The following DHX57 variants were observed in gnomAD, a reference collection of about 807,000 sequenced individuals.
DHX57 encodes DExH-box helicase 57, also known as putative ATP-dependent RNA helicase DHX57.
A neutral mutation model predicts 156.2 loss-of-function variants in DHX57; 105 were observed. The ratio of observed to expected loss-of-function variants is 0.67; its 90% CI spans 0.57 to 0.79. The LOEUF (loss-of-function observed/expected upper bound fraction) is 0.79. Among genes scored for constraint, DHX57 ranks in the 30% least tolerant of loss-of-function variants. DHX57 has a pLI of 0.00. For missense variants in DHX57, 1,847 were observed against 1,661.9 expected, an observed-to-expected ratio of 1.11 and a Z score of -1.94; for synonymous variants, 704 against 595.6, an observed-to-expected ratio of 1.18 and a Z score of -2.65.
chr2:38,834,440 C>A (rs1010486397), intron 13 of DHX57, among the ~76,000 whole-genome samples: 3 of 151,890 alleles, frequency 2.0e-5, no homozygotes, highest in African/African-American at 4.8e-5. Context: ...TTTGTAGCCA[C>A]CTCCTGTTGC....
At chr2:38,839,581 C>T (rs1024901636) in intron 12 of DHX57, among the ~76,000 whole-genome samples, 2 of 150,834 alleles carry the variant, frequency 1.3e-5, no homozygotes, top group Non-Finnish European at 2.9e-5. Flanking sequence ...ATTAGCCAGG[C>T]ATGGTGGTGG....
At chr2:38,822,880 A>G in intron 17 of DHX57, 113 bp downstream of exon 17, 1 of 1,223,398 alleles carries the variant, frequency 8.2e-7, no homozygotes, top group Non-Finnish European at 1.1e-6. Context: ...ATTCACAGCT[A>G]ACATACAAGC....
At chr2:38,868,730 AT>A (rs1308353140) in intron 1 of DHX57, among the ~76,000 whole-genome samples, 2 of 152,232 alleles carry the variant, frequency 1.3e-5, no homozygotes, top group African/African-American at 2.4e-5. Context: ...TCATAAACAC[AT>A]GGAGAAGTGT....
intron 1 of DHX57, among the ~76,000 whole-genome samples, chr2:38,873,360 A>G (rs1003307128): frequency 1.3e-5 from 2 of 152,246 alleles, no homozygotes; most frequent in African/African-American, 4.8e-5. Context: ...TGGAATTAGA[A>G]ATCAAAAGCT....
chr2:38,832,087 C>T (rs541044907), intron 13 of DHX57, among the ~76,000 whole-genome samples: 8 of 152,246 alleles, frequency 5.3e-5, no homozygotes, highest in African/African-American at 1.7e-4. Flanking sequence ...ACACTCACTA[C>T]TTGCCAAGTA....
chr2:38,839,042 C>T (rs1352235283), intron 12 of DHX57, among the ~76,000 whole-genome samples: 1 of 151,988 alleles, frequency 6.6e-6, no homozygotes, highest in African/African-American at 2.4e-5. Flanking sequence ...AGCGATTCTC[C>T]TGCCTCAGCC....
intron 6 of DHX57, 70 bp from the exon 7 acceptor site, chr2:38,856,531 G>T (rs1250145454): frequency 5.4e-6 from 8 of 1,493,604 alleles, no homozygotes; most frequent in Non-Finnish European, 6.2e-6. Flanking sequence ...TTGAGACAGG[G>T]TCTCACTCTG....
chr2:38,842,185 C>T (rs1182889064), intron 12 of DHX57, among the ~76,000 whole-genome samples: 1 of 152,076 alleles, frequency 6.6e-6, no homozygotes, highest in East Asian at 1.9e-4. Context: ...AATGTATAAC[C>T]TAAATTTAAT....
intron 19 of DHX57, among the ~76,000 whole-genome samples, chr2:38,817,309 T>G (rs571542787): frequency 5.3e-4 from 80 of 152,046 alleles, no homozygotes; most frequent in Non-Finnish European, 1.0e-3. Context: ...CTTTGGAATT[T>G]ATTTATTTAT....
At chr2:38,853,331 C>G (rs144749407) in intron 9 of DHX57, 1 of 151,918 alleles carries the variant, frequency 6.6e-6, no homozygotes, top group East Asian at 1.9e-4. Flanking sequence ...CTATGTTGCC[C>G]AGGTGGGGCT....
intron 2 of DHX57, among the ~76,000 whole-genome samples, chr2:38,863,883 C>T (rs947502721): frequency 5.3e-5 from 8 of 152,018 alleles, no homozygotes; most frequent in African/African-American, 1.2e-4. Flanking sequence ...CGTGGCAGTG[C>T]GCTCCTGTAA....
chr2:38,850,625 C>A (rs1294891764), intron 9 of DHX57, among the ~76,000 whole-genome samples: 1 of 137,686 alleles, frequency 7.3e-6, no homozygotes, highest in African/African-American at 2.6e-5. Flanking sequence ...TGAAAACATT[C>A]TTATACTACT....
At chr2:38,840,708 G>T (rs1338344773) in intron 12 of DHX57, among the ~76,000 whole-genome samples, 3 of 152,070 alleles carry the variant, frequency 2.0e-5, no homozygotes, top group Admixed American at 2.0e-4. Context: ...TTAAAAAGGG[G>T]GTCCCAAAGG....
intron 19 of DHX57, 99 bp from the exon 20 acceptor site, chr2:38,815,754 G>GTAGCAA: frequency 6.9e-7 from 1 of 1,442,756 alleles, no homozygotes; most frequent in Non-Finnish European, 9.5e-7. Context: ...ATTTCAGGGG[G>GTAGCAA]TAGCAATGAG....
Position 38,861,377 on chromosome 2 carries a change from C to T in DHX57, c.1033G>A (p.Ala345Thr). The T allele has an allele frequency of 3.1e-6, 5 of 1,613,712 alleles. No homozygotes were observed. Among genetic ancestry groups the T allele is most frequent in the Non-Finnish European group, 4.2e-6 (5 of 1,179,834 alleles). The part of the protein sequence containing the change: ...ERSVDDSHLN[A>T]IEDASFLYEL... Reference sequence around the variant, plus strand: ...TATAAAAAAGATGCATCTTCAATAGCATTAAGATGAGAATCATCTACACTT... The same window carrying T: ...TATAAAAAAGATGCATCTTCAATAGTATTAAGATGAGAATCATCTACACTT... The change falls in exon 5 of 24, where the codon GCT (alanine) becomes ACT (threonine). Residue 345 changes from alanine to threonine, a missense_variant. Transcript: ENST00000457308.
Position 38,855,157 on chromosome 2 carries a change from CG to C in DHX57, c.1804del (p.Arg602AspfsTer22). ...KVANIICTQP[R>X]RISAISVAER... is the part of the protein sequence containing the mutation. The stretch of plus-strand genomic sequence containing the variant: ...AGCAACAGAGATTGCAGAGATTCGT[CG>C]GGGTTGGGTACAGATGATGTTGGCT... On this transcript the variant is annotated frameshift_variant, in exon 8 of 24. Transcript: ENST00000457308. LOFTEE classifies it high-confidence loss of function. The C allele has an allele frequency of 6.2e-7, 1 of 1,614,116 alleles. No individual in the cohort carries two copies. Among genetic ancestry groups the C allele is most frequent in the Non-Finnish European group, 8.5e-7 (1 of 1,180,014 alleles).
chr2:38,817,172 T>A (rs938697702), intron 19 of DHX57, among the ~76,000 whole-genome samples: 4 of 152,162 alleles, frequency 2.6e-5, no homozygotes, highest in Non-Finnish European at 5.9e-5. Flanking sequence ...GCTCAAAGGT[T>A]CTGCCTGCCT....
Position 38,819,032 on chromosome 2 carries a change from T to C in DHX57, c.3387+17A>G. 2 of 1,614,102 alleles carry C rather than the reference T, an allele frequency of 1.2e-6. No individual in the cohort carries two copies. The highest frequency in any genetic ancestry group is 1.7e-6 in the Non-Finnish European group (2 of 1,179,962). ...CAACACTGGTAATAAAACTAAGCTA[T>C]TAGGTTATATACTTACCTTATACGC... On this transcript the variant is annotated intron_variant, in intron 18 of 23. Coordinates refer to ENST00000457308, the MANE Select transcript of DHX57 (RefSeq NM_198963.3).
chr2:38,813,726 T>G, intron 21 of DHX57, 95 bp downstream of exon 21: 1 of 1,412,486 alleles, frequency 7.1e-7, no homozygotes, highest in Non-Finnish European at 9.9e-7. Flanking sequence ...TGCGTATATA[T>G]CTCTTTAAGA....
Sources: allele counts gnomAD v4.1 joint callset (sites outside exome capture counted in the v4.1 genomes callset), GRCh38; gene constraint gnomAD v4.1.1; transcripts MANE v1.5; gene names NCBI Gene and HGNC (gene_info 2026-07-23, HGNC 2026-07-21).